Variants in KAZN observed in about 807,000 individuals in gnomAD.
KAZN encodes kazrin.
Under a neutral mutation model 87.4 loss-of-function variants are expected in KAZN, and 40 were observed. The ratio of observed to expected loss-of-function variants is 0.46; its 90% confidence interval spans 0.36 to 0.60. The LOEUF is 0.60. Among genes scored for constraint, KAZN ranks in the 20% least tolerant of loss-of-function variants. KAZN has a pLI of 0.00. For synonymous variants in KAZN, 466 were observed against 458.3 expected, an observed-to-expected ratio of 1.02 and a Z score of -0.22; for missense variants, 898 against 1,073.9, an observed-to-expected ratio of 0.84 and a Z score of 2.29.
chr1:14,395,496 G>A (rs543904214), intron 2 of KAZN, among the ~76,000 whole-genome samples: 5 of 152,276 alleles, frequency 3.3e-5, no homozygotes, highest in African/African-American at 7.2e-5. Context: ...CTGGAATCAC[G>A]GAGAGGGCTG....
chr1:14,477,453 T>C (rs1668813000), intron 2 of KAZN, among the ~76,000 whole-genome samples: 1 of 139,460 alleles, frequency 7.2e-6, no homozygotes, highest in African/African-American at 3.1e-5. Context: ...TCCCCCTCTC[T>C]CTCTCTCTCT....
chr1:14,810,419 G>T (rs559182859), intron 1 of KAZN, among the ~76,000 whole-genome samples: 15 of 152,044 alleles, frequency 9.9e-5, no homozygotes, highest in African/African-American at 3.1e-4. Flanking sequence ...TGCCTTCCTC[G>T]TTGTGGCATC....
At chr1:14,597,034 G>A (rs571323836), upstream of KAZN, among the ~76,000 whole-genome samples, 2 of 152,156 alleles carry the variant, frequency 1.3e-5, no homozygotes, top group Non-Finnish European at 2.9e-5. Flanking sequence ...GCTGCACCAC[G>A]GCATCCCCCT....
Position 15,066,925 on chromosome 1 carries a change from C to T in KAZN, c.1222+1172C>T. 1.0e-6 allele frequency: 1 copy of T among 985,464 alleles called. No individual in the cohort carries two copies. The highest frequency in any genetic ancestry group is 1.2e-6 in the Non-Finnish European group (1 of 829,954). The allele number at this position is 985,464 out of a possible 1,614,324, so 61.0% of individuals were successfully genotyped here. On this transcript the variant is annotated intron_variant, in intron 8 of 14. Transcript: ENST00000376030. This position sits in a 1 kb window ranked among gnomAD's most constrained non-coding sequence, Gnocchi z 4.3. ...TCTATATATTTATTTATCTGACATA[C>T]AGAACACGACTTTAGTGAGCAGAGT... is the stretch of plus-strand genomic sequence containing the variant.
chr1:15,048,508 C>G (rs1248251209), intron 4 of KAZN, among the ~76,000 whole-genome samples: 1 of 152,236 alleles, frequency 6.6e-6, no homozygotes. Flanking sequence ...CCGTTGCCCC[C>G]GCAGGAGCCT....
intron 1 of KAZN, among the ~76,000 whole-genome samples, chr1:14,850,619 G>C (rs778947470): frequency 6.6e-6 from 1 of 152,132 alleles, no homozygotes; most frequent in Non-Finnish European, 1.5e-5. Context: ...GTTTGCTTTC[G>C]CTGTTGCAAA....
At chr1:14,993,862 A>G (rs1187906125) in intron 2 of KAZN, among the ~76,000 whole-genome samples, 3 of 152,202 alleles carry the variant, frequency 2.0e-5, no homozygotes, top group Non-Finnish European at 2.9e-5. Context: ...TGTGTGTGGC[A>G]TTGGAGCTGG....
chr1:13,916,049 G>A (rs1639839862), intron 1 of KAZN, among the ~76,000 whole-genome samples: 1 of 152,184 alleles, frequency 6.6e-6, no homozygotes, highest in Non-Finnish European at 1.5e-5. Context: ...GCCCTAACCA[G>A]TAAGGTCTTT....
At chr1:14,898,087 C>G (rs61773598) in intron 1 of KAZN, among the ~76,000 whole-genome samples, 1 of 152,054 alleles carries the variant, frequency 6.6e-6, no homozygotes, top group South Asian at 2.1e-4. Flanking sequence ...AAATGGTACC[C>G]GGGGGTGAGA....
chr1:14,667,025 G>A (rs1182219699), intron 1 of KAZN, among the ~76,000 whole-genome samples: 3 of 152,108 alleles, frequency 2.0e-5, no homozygotes, highest in South Asian at 2.1e-4. Context: ...AGAACCAACC[G>A]TTGAATTTAA....
intron 1 of KAZN, among the ~76,000 whole-genome samples, chr1:14,883,340 G>GAA (rs1284006364): frequency 6.1e-4 from 15 of 24,484 alleles, no homozygotes; most frequent in African/African-American, 1.3e-3. Flanking sequence ...GAGAGAGAGA[G>GAA]AGAAAGAAAG....
At chr1:13,894,760 G>A (rs2100820482) in intron 1 of KAZN, among the ~76,000 whole-genome samples, 1 of 152,282 alleles carries the variant, frequency 6.6e-6, no homozygotes, top group Admixed American at 6.5e-5. Flanking sequence ...GTCCCCTGCT[G>A]CAAAACAAGA....
At position 14,798,490 on chromosome 1, in the gene KAZN, C is replaced by G. The variant is rs372231945; in HGVS notation, c.227-162194C>G. Among the ~76,000 whole-genome samples the G allele has an allele frequency of 5.8e-4, 32 of 55,212 alleles. No individual in the cohort carries two copies. In the East Asian group the frequency reaches 0.014, roughly 25 times the overall value. The allele number at this position is 55,212 out of a possible 152,430, so 36.2% of individuals were successfully genotyped here. On this transcript the variant is annotated intron_variant, in intron 1 of 14. Transcript: ENST00000376030. ...TCACCCAGTCTAGAGTGCAGTGGCCCTATCTCGGCTCACTGCAAGCTCCAC... is the reference window on the plus strand; with the variant it reads ...TCACCCAGTCTAGAGTGCAGTGGCCGTATCTCGGCTCACTGCAAGCTCCAC...
At chr1:14,239,965 C>T (rs1370516453) in intron 2 of KAZN, among the ~76,000 whole-genome samples, 1 of 152,064 alleles carries the variant, frequency 6.6e-6, no homozygotes, top group Non-Finnish European at 1.5e-5. Context: ...TGTACCCAGC[C>T]CCAAATATTT....
chr1:14,305,914 A>C (rs1416049176), intron 2 of KAZN, among the ~76,000 whole-genome samples: 1 of 152,152 alleles, frequency 6.6e-6, no homozygotes, highest in African/African-American at 2.4e-5. Context: ...TGATGTTAAC[A>C]GGATTGGGTA....
chr1:15,008,753 C>T (rs1669284024), intron 2 of KAZN, among the ~76,000 whole-genome samples: 3 of 152,118 alleles, frequency 2.0e-5, no homozygotes, highest in African/African-American at 7.2e-5. Context: ...AGAGTCAGCC[C>T]AGGTTTCTCA....
intron 1 of KAZN, among the ~76,000 whole-genome samples, chr1:14,952,161 G>A (rs1292340380): frequency 1.3e-5 from 2 of 152,096 alleles, no homozygotes; most frequent in African/African-American, 4.8e-5. Flanking sequence ...TCAATACAGA[G>A]CTCTTGTCAC....
chr1:14,784,835 G>A (rs1390748486), intron 1 of KAZN, among the ~76,000 whole-genome samples: 1 of 152,208 alleles, frequency 6.6e-6, no homozygotes, highest in Non-Finnish European at 1.5e-5. Flanking sequence ...GGGACAGGCG[G>A]AAATACATGT....
At chr1:14,042,057 G>C (rs1641860591) in intron 1 of KAZN, among the ~76,000 whole-genome samples, 1 of 152,170 alleles carries the variant, frequency 6.6e-6, no homozygotes, top group Non-Finnish European at 1.5e-5. Flanking sequence ...GTCTGGTACT[G>C]GGAAATTTTA....
Sources: gnomAD v4.1 joint callset for allele counts (sites outside exome capture counted in the v4.1 genomes callset) on GRCh38, gnomAD v4.1.1 for gene constraint, Gnocchi (gnomAD v3.1) non-coding constraint, MANE v1.5 for transcripts, NCBI Gene and HGNC (gene_info 2026-07-23, HGNC 2026-07-21) for gene names.